The following DAB2IP variants were observed in gnomAD, a reference collection of about 807,000 sequenced individuals.
DAB2IP encodes DAB2 interacting protein.
DAB2IP carries 28 observed loss-of-function variants against 107.2 expected under a neutral mutation model. That is an observed-to-expected ratio of 0.26 (90% confidence interval 0.19 to 0.36). The LOEUF is 0.36. Among genes scored for constraint, DAB2IP ranks in the 10% least tolerant of loss-of-function variants. DAB2IP has a pLI of 1.00. For missense variants in DAB2IP, 1,400 were observed against 1,644.7 expected, an observed-to-expected ratio of 0.85 and a Z score of 2.57; for synonymous variants, 755 against 706.4, an observed-to-expected ratio of 1.07 and a Z score of -1.09.
At chr9:121,770,924 A>G (rs1834676995) in intron 11 of DAB2IP, among the ~76,000 whole-genome samples, 200 bp downstream of exon 11, 1 of 144,300 alleles carries the variant, frequency 6.9e-6, no homozygotes, top group South Asian at 2.1e-4. Context: ...AGGTGATGCT[A>G]TAGGTTTGTT....
At chr9:121,657,321 C>A (rs1833009786) in intron 1 of DAB2IP, among the ~76,000 whole-genome samples, 1 of 152,210 alleles carries the variant, frequency 6.6e-6, no homozygotes, top group South Asian at 2.1e-4. Context: ...AGGCCACAGG[C>A]CCCAGTGAAT....
At chr9:121,785,495 A>T (rs1045162266) in exon 16 of DAB2IP, 2 of 152,686 alleles carry the variant, frequency 1.3e-5, no homozygotes, top group African/African-American at 4.8e-5. Context: ...GTACATTTGC[A>T]ATTAGAAATA....
chr9:121,567,176 G>A, exon 1 of DAB2IP: 1 of 1,614,056 alleles, frequency 6.2e-7, no homozygotes, highest in Non-Finnish European at 8.5e-7. Flanking sequence ...CAGGGGCTGG[G>A]GGCCCACACG....
At chr9:121,658,937 T>G (rs1198189008) in intron 1 of DAB2IP, among the ~76,000 whole-genome samples, 4 of 152,250 alleles carry the variant, frequency 2.6e-5, no homozygotes, top group Non-Finnish European at 1.5e-5. Flanking sequence ...TTTGGAAGCC[T>G]TGTTAGCTTT....
At chr9:121,577,796 A>G (rs998613379) in intron 1 of DAB2IP, among the ~76,000 whole-genome samples, 1 of 152,180 alleles carries the variant, frequency 6.6e-6, no homozygotes, top group African/African-American at 2.4e-5. Flanking sequence ...GGGACCTCAA[A>G]CAACAGCCCG....
rs1233590255 is a variant in DAB2IP at position 121,633,409 on chromosome 9, GCAAA to G, written c.41-45266_41-45263del. 6.6e-6 allele frequency among the ~76,000 whole-genome samples: 1 copy of G among 152,086 alleles called. No homozygotes were observed. Among genetic ancestry groups the G allele is most frequent in the African/African-American group, 2.4e-5 (1 of 41,418 alleles). On this transcript the variant is annotated intron_variant, in intron 1 of 16. Coordinates refer to the DAB2IP transcript ENST00000259371. The surrounding 1 kb of genome is among the most constrained non-coding windows in gnomAD (Gnocchi z 5.1). ...CCCCCCCTACCAAACCACCTCTGCT[GCAAA>G]CAGAGTGCCTGGTGAGGCCGTTCAG...
intron 1 of DAB2IP, among the ~76,000 whole-genome samples, chr9:121,592,006 G>A (rs993235073): frequency 1.3e-5 from 2 of 152,150 alleles, no homozygotes; most frequent in African/African-American, 4.8e-5. Flanking sequence ...AGATGGAGGT[G>A]GAAATGTATC....
rs934866285 is a variant in DAB2IP, at chr9:121,712,098, C to T, written c.362+12640C>T. ...TTTGCCGGAGCTCTTCCAGGGGAGCCGATGGTTCCTGGACTCCTCTGCTTT... is the reference window on the plus strand; with the variant it reads ...TTTGCCGGAGCTCTTCCAGGGGAGCTGATGGTTCCTGGACTCCTCTGCTTT... On this transcript the variant is annotated intron_variant, in intron 3 of 15. Transcript: ENST00000408936. 5.3e-5 allele frequency among the ~76,000 whole-genome samples: 8 copies of T among 152,152 alleles called. No individual in the cohort carries two copies. In the South Asian group the frequency reaches 1.0e-3, roughly 20 times the overall value.
At chr9:121,769,636 G>C (rs1206184917) in intron 10 of DAB2IP, among the ~76,000 whole-genome samples, 1 of 152,134 alleles carries the variant, frequency 6.6e-6, no homozygotes, top group East Asian at 1.9e-4. Context: ...CATCATTTTT[G>C]CTCATTTGTA....
At chr9:121,741,224 C>T (rs1422067962) in intron 3 of DAB2IP, among the ~76,000 whole-genome samples, 9 of 152,176 alleles carry the variant, frequency 5.9e-5, no homozygotes, top group South Asian at 2.1e-4. Context: ...GGGATGCTTG[C>T]GGCAAAGCCT....
At chr9:121,680,435 A>T (rs1828523570) in intron 2 of DAB2IP, among the ~76,000 whole-genome samples, 1 of 152,144 alleles carries the variant, frequency 6.6e-6, no homozygotes, top group Non-Finnish European at 1.5e-5. Flanking sequence ...AATGAGGAGG[A>T]AGCCTGCGCT....
chr9:121,626,500 T>G (rs888484657), intron 1 of DAB2IP, among the ~76,000 whole-genome samples: 3 of 150,300 alleles, frequency 2.0e-5, no homozygotes, highest in East Asian at 3.9e-4. Context: ...CTTGGCTCAC[T>G]GCAACCTCCA....
At chr9:121,572,069 G>A (rs527406021) in intron 1 of DAB2IP, among the ~76,000 whole-genome samples, 26 of 152,228 alleles carry the variant, frequency 1.7e-4, no homozygotes, top group East Asian at 3.9e-4. Context: ...TGTCCTTTCC[G>A]TCTGCCTTGT....
chr9:121,625,149 C>T (rs576356429), intron 1 of DAB2IP, among the ~76,000 whole-genome samples: 146 of 151,868 alleles, frequency 9.6e-4, no homozygotes, highest in African/African-American at 3.3e-3. Flanking sequence ...AGTAGAGGCT[C>T]AGAGAGAGAG....
intron 3 of DAB2IP, among the ~76,000 whole-genome samples, chr9:121,725,258 TC>T (rs761620783): frequency 6.6e-6 from 1 of 152,214 alleles, no homozygotes; most frequent in Non-Finnish European, 1.5e-5. Context: ...TGACTTCATC[TC>T]CTGTGATTCT....
At chr9:121,659,000 G>T (rs553937187) in intron 1 of DAB2IP, among the ~76,000 whole-genome samples, 1 of 152,328 alleles carries the variant, frequency 6.6e-6, no homozygotes, top group African/African-American at 2.4e-5. Context: ...TCGGCATCTG[G>T]GCTGTGCTAT....
intron 3 of DAB2IP, among the ~76,000 whole-genome samples, chr9:121,742,556 C>T (rs1017548500): frequency 1.3e-5 from 2 of 152,224 alleles, no homozygotes; most frequent in African/African-American, 4.8e-5. Flanking sequence ...TCTCTCTTCC[C>T]TTCCTCTCCC....
chr9:121,610,574 C>A (rs1831058409), intron 1 of DAB2IP, among the ~76,000 whole-genome samples: 1 of 152,210 alleles, frequency 6.6e-6, no homozygotes, highest in Non-Finnish European at 1.5e-5. Context: ...TGCCCTCTAG[C>A]TGCAGGGCTA....
chr9:121,734,071 T>A (rs1282265600), intron 3 of DAB2IP, among the ~76,000 whole-genome samples: 1 of 152,208 alleles, frequency 6.6e-6, no homozygotes, highest in Non-Finnish European at 1.5e-5. Context: ...CTCTGTACTT[T>A]TATGTGTTAC....
Sources: gnomAD v4.1 joint callset for allele counts (sites outside exome capture counted in the v4.1 genomes callset) on GRCh38, gnomAD v4.1.1 for gene constraint, Gnocchi (gnomAD v3.1) non-coding constraint, MANE v1.5 for transcripts, NCBI Gene and HGNC (gene_info 2026-07-23, HGNC 2026-07-21) for gene names.